Variants in TTC39B observed in about 807,000 individuals in gnomAD.
The protein encoded by TTC39B is tetratricopeptide repeat protein 39B.
TTC39B carries 92 observed loss-of-function variants against 96.6 expected under a neutral mutation model. The ratio of observed to expected loss-of-function variants is 0.95; its 90% CI spans 0.80 to 1.13. The LOEUF (loss-of-function observed/expected upper bound fraction) is 1.13, where lower values mean the gene tolerates loss of function less well. TTC39B is among the 50% of genes most tolerant of loss of function. The pLI is 0.00. For synonymous variants in TTC39B, 367 were observed against 299.4 expected (o/e 1.23, Z -2.33); for missense variants, 955 against 809.3 (o/e 1.18, Z -2.18).
At chr9:15,305,226 C>T (rs1824718331) in intron 1 of TTC39B, among the ~76,000 whole-genome samples, 1 of 152,156 alleles carries the variant, frequency 6.6e-6, no homozygotes, top group Non-Finnish European at 1.5e-5. Context: ...TTTACTTGAG[C>T]TCCTTTTTAG....
chr9:15,189,893 G>A (rs1171727698), intron 11 of TTC39B, 101 bp from the exon 12 acceptor site: 29 of 733,016 alleles, frequency 4.0e-5, no homozygotes, highest in Non-Finnish European at 1.2e-5. Flanking sequence ...CCTACTCATG[G>A]AAAAGATGAA....
intron 1 of TTC39B, among the ~76,000 whole-genome samples, chr9:15,292,674 T>C (rs1348690924): frequency 2.6e-5 from 4 of 152,198 alleles, no homozygotes; most frequent in African/African-American, 9.7e-5. Flanking sequence ...CCTTACCCTA[T>C]GTAGGCCCAG....
chr9:15,297,731 C>A (rs1490054004), intron 1 of TTC39B, among the ~76,000 whole-genome samples: 1 of 152,152 alleles, frequency 6.6e-6, no homozygotes, highest in Non-Finnish European at 1.5e-5. Flanking sequence ...TTGTCTACCT[C>A]CAATCAGCCT....
chr9:15,284,606 T>G (rs1823888411), intron 1 of TTC39B, among the ~76,000 whole-genome samples: 1 of 152,170 alleles, frequency 6.6e-6, no homozygotes, highest in South Asian at 2.1e-4. Flanking sequence ...GGGAAAGGTG[T>G]AGGGTACAAA....
intron 15 of TTC39B, among the ~76,000 whole-genome samples, chr9:15,186,139 TACTC>T (rs1318730950): frequency 6.6e-6 from 1 of 152,176 alleles, no homozygotes; most frequent in Non-Finnish European, 1.5e-5. Flanking sequence ...TTCAAGGCAA[TACTC>T]AATTACATCA....
At chr9:15,180,308 A>G (rs1015654255) in intron 17 of TTC39B, among the ~76,000 whole-genome samples, 5 of 152,230 alleles carry the variant, frequency 3.3e-5, no homozygotes, top group African/African-American at 1.2e-4. Context: ...AACTCTCATA[A>G]TGTTTGCTAT....
chr9:15,200,013 CAAA>C, intron 7 of TTC39B, 88 bp from the exon 8 acceptor site: 1 of 632,476 alleles, frequency 1.6e-6, no homozygotes, highest in South Asian at 2.5e-5. Flanking sequence ...ATTAGAAAAA[CAAA>C]AACAAACAAA....
exon 20 of TTC39B, chr9:15,164,280 G>C (rs1305236384): frequency 6.6e-6 from 1 of 152,128 alleles, no homozygotes; most frequent in African/African-American, 2.4e-5. Context: ...TTTACTAACA[G>C]AACATTAAAT....
exon 20 of TTC39B, chr9:15,164,809 G>C (rs952404912): frequency 3.3e-5 from 5 of 151,956 alleles, no homozygotes; most frequent in Non-Finnish European, 7.4e-5. Context: ...ATATTTTTGA[G>C]AATTAAGTAA....
chr9:15,294,884 C>G lies in TTC39B; in HGVS notation c.240+12200G>C, dbSNP rs573747926. On this transcript the variant is annotated intron_variant, in intron 1 of 19. Transcript: ENST00000512701. ...CGCTGCATAGGCCTCCCTGAACCCT[C>G]ACAACAGGTTCTATTATCGCCATTT... Among the ~76,000 whole-genome samples the G allele has an allele frequency of 3.4e-3, 516 of 152,312 alleles. 7 individuals are homozygous for G. The highest frequency in any genetic ancestry group is 6.7e-3 in the Admixed American group (103 of 15,306).
intron 1 of TTC39B, among the ~76,000 whole-genome samples, chr9:15,290,175 G>C (rs1405547935): frequency 6.6e-6 from 1 of 152,124 alleles, no homozygotes; most frequent in Non-Finnish European, 1.5e-5. Context: ...ATCCTTATAG[G>C]ATGATAGAAA....
intron 1 of TTC39B, among the ~76,000 whole-genome samples, chr9:15,280,476 G>A (rs1249272939): frequency 6.6e-6 from 1 of 152,214 alleles, no homozygotes; most frequent in Non-Finnish European, 1.5e-5. Flanking sequence ...TGGCAAATAC[G>A]AGAAATTATT....
At chr9:15,222,610 G>T (rs908993131) in intron 3 of TTC39B, among the ~76,000 whole-genome samples, 7 of 152,160 alleles carry the variant, frequency 4.6e-5, no homozygotes, top group Admixed American at 2.6e-4. Context: ...GGAGCAGCCA[G>T]AACTCCCTGT....
intron 17 of TTC39B, 26 bp from the exon 18 acceptor site, chr9:15,177,840 A>T (rs1376613530): frequency 7.1e-7 from 1 of 1,404,742 alleles, no homozygotes; most frequent in East Asian, 2.3e-5. Context: ...ATACAAAGAA[A>T]ACACACAAAG....
chr9:15,252,595 C>T (rs1000884468), intron 2 of TTC39B, among the ~76,000 whole-genome samples: 2 of 152,052 alleles, frequency 1.3e-5, no homozygotes, highest in East Asian at 1.9e-4. Context: ...TTGCAGTGAG[C>T]CAAGATGGCG....
chr9:15,199,474 G>A (rs541148451), intron 8 of TTC39B, among the ~76,000 whole-genome samples: 34 of 152,020 alleles, frequency 2.2e-4, no homozygotes, highest in Non-Finnish European at 3.1e-4. Context: ...GGTGGCTCAC[G>A]CGTGTAATCC....
intron 3 of TTC39B, among the ~76,000 whole-genome samples, chr9:15,214,712 G>A (rs1471522682): frequency 6.6e-6 from 1 of 152,082 alleles, no homozygotes; most frequent in African/African-American, 2.4e-5. Context: ...CTTTGAACCT[G>A]TTATAACATC....
At chr9:15,192,759 A>T in intron 8 of TTC39B, 64 bp from the exon 9 acceptor site, 1 of 1,110,448 alleles carries the variant, frequency 9.0e-7, no homozygotes, top group South Asian at 1.4e-5. Context: ...ATATTAAATC[A>T]AATTTTACAC....
chr9:15,283,032 T>C (rs1390387928), intron 1 of TTC39B, among the ~76,000 whole-genome samples: 1 of 152,200 alleles, frequency 6.6e-6, no homozygotes, highest in Non-Finnish European at 1.5e-5. Flanking sequence ...AACTATTTGT[T>C]TCACGTCTGC....
Sources: gnomAD v4.1 joint callset for allele counts (sites outside exome capture counted in the v4.1 genomes callset) on GRCh38, gnomAD v4.1.1 for gene constraint, MANE v1.5 for transcripts, NCBI Gene and HGNC (gene_info 2026-07-23, HGNC 2026-07-21) for gene names.